Variants in DPYD observed in about 807,000 individuals in gnomAD.
DPYD encodes the protein dihydropyrimidine dehydrogenase [NADP(+)].
A neutral mutation model predicts 116.2 loss-of-function variants in DPYD; 109 were observed. The observed-to-expected ratio is 0.94, with a 90% CI of 0.80 to 1.10. The LOEUF is 1.10. DPYD is among the 50% of genes least tolerant of loss of function. The pLI is 0.00. For synonymous variants in DPYD, 440 were observed against 432.0 expected (o/e 1.02, Z -0.23); for missense variants, 1,302 against 1,254.5 (o/e 1.04, Z -0.57).
chr1:97,309,612 A>G (rs1037791444), intron 16 of DPYD, among the ~76,000 whole-genome samples: 2 of 151,698 alleles, frequency 1.3e-5, no homozygotes, highest in African/African-American at 4.8e-5. Flanking sequence ...AAAGCAAGCT[A>G]GAGGCAAATT....
At chr1:97,765,855 T>C (rs1665821833) in intron 3 of DPYD, among the ~76,000 whole-genome samples, 1 of 152,138 alleles carries the variant, frequency 6.6e-6, no homozygotes, top group Admixed American at 6.6e-5. Context: ...ATGCAAAAGC[T>C]AAAAAGACGA....
chr1:97,341,434 T>C (rs1416629261), intron 16 of DPYD, among the ~76,000 whole-genome samples: 2 of 152,218 alleles, frequency 1.3e-5, no homozygotes, highest in Admixed American at 1.3e-4. Context: ...TCTCCTAAAG[T>C]AATATAATTT....
chr1:97,519,825 C>A (rs1469575739), intron 12 of DPYD, among the ~76,000 whole-genome samples: 1 of 152,064 alleles, frequency 6.6e-6, no homozygotes, highest in Non-Finnish European at 1.5e-5. Context: ...TTTGTGCCTC[C>A]CTACCTCTGC....
intron 3 of DPYD, among the ~76,000 whole-genome samples, chr1:97,794,774 C>T (rs1317875840): frequency 1.3e-5 from 2 of 152,146 alleles, no homozygotes; most frequent in Non-Finnish European, 2.9e-5. Flanking sequence ...GGAAGCCATG[C>T]TTCACTTATT....
At chr1:97,284,109 G>A (rs1042192414) in intron 18 of DPYD, among the ~76,000 whole-genome samples, 10 of 152,070 alleles carry the variant, frequency 6.6e-5, no homozygotes, top group African/African-American at 2.4e-4. Flanking sequence ...TATGAACAGA[G>A]CATCTCTATT....
intron 11 of DPYD, among the ~76,000 whole-genome samples, chr1:97,565,492 C>T (rs1427876917): frequency 6.6e-6 from 1 of 152,160 alleles, no homozygotes; most frequent in Non-Finnish European, 1.5e-5. Context: ...TCCCTACCTG[C>T]TCCCTACCCT....
intron 19 of DPYD, among the ~76,000 whole-genome samples, chr1:97,218,960 TA>T (rs1160489479): frequency 1.3e-5 from 2 of 152,136 alleles, no homozygotes; most frequent in Non-Finnish European, 2.9e-5. Flanking sequence ...CAAAGGTGCC[TA>T]AAAAATTAAA....
chr1:97,599,943 G>C (rs1013864388), intron 8 of DPYD, among the ~76,000 whole-genome samples: 15 of 150,500 alleles, frequency 1.0e-4, no homozygotes, highest in Non-Finnish European at 2.2e-4. Flanking sequence ...CTATTCCAGA[G>C]GCTGAGGCAC....
chr1:97,486,656 C>A (rs1471970992), intron 13 of DPYD, among the ~76,000 whole-genome samples: 1 of 152,040 alleles, frequency 6.6e-6, no homozygotes, highest in Non-Finnish European at 1.5e-5. Flanking sequence ...TTAGTGCTAT[C>A]CAAATCAAAT....
At chr1:97,248,409 C>T (rs1662865331) in intron 18 of DPYD, among the ~76,000 whole-genome samples, 1 of 152,162 alleles carries the variant, frequency 6.6e-6, no homozygotes. Flanking sequence ...GTGATTGCTC[C>T]TCCTTGCCTT....
chr1:97,583,314 TTC>T (rs1653830005), intron 10 of DPYD, among the ~76,000 whole-genome samples: 1 of 152,152 alleles, frequency 6.6e-6, no homozygotes, highest in Non-Finnish European at 1.5e-5. Context: ...TGATGACATT[TTC>T]TTTTTTTATT....
chr1:97,132,428 A>G (rs1439609712), intron 20 of DPYD, among the ~76,000 whole-genome samples: 10 of 152,176 alleles, frequency 6.6e-5, no homozygotes, highest in Admixed American at 6.6e-4. Flanking sequence ...GAAATGAATC[A>G]GATGGAGGAA....
chr1:97,822,453 T>C (rs2101454177), intron 3 of DPYD, among the ~76,000 whole-genome samples: 1 of 149,952 alleles, frequency 6.7e-6, no homozygotes, highest in East Asian at 1.9e-4. Flanking sequence ...TACATATAAT[T>C]GCCTTGTCTA....
intron 4 of DPYD, among the ~76,000 whole-genome samples, chr1:97,727,500 T>G (rs61033129): frequency 6.6e-6 from 1 of 151,652 alleles, no homozygotes; most frequent in Non-Finnish European, 1.5e-5. Flanking sequence ...AAATATTGAA[T>G]AGATGATGTG....
chr1:97,431,175 T>C (rs61788023), intron 14 of DPYD, among the ~76,000 whole-genome samples: 24,290 of 152,124 alleles, frequency 0.16, 2,140 homozygotes, highest in South Asian at 0.29. Flanking sequence ...AAAAATGTTT[T>C]GTGAGAAAAC....
rs911956819 is a variant in DPYD at position 97,699,468 on chromosome 1, G to A, written c.563C>T (p.Ala188Val). ...PPEKMSEAYS[A>V]KIALFGAGPA... ...CCCAGCACCAAAAAGAGCAATCTTT[G>A]CAGAATAGGCTTCAGACATTTTTTC... The change falls in exon 6 of 23, where the codon GCA (alanine) becomes GTA (valine). Residue 188 changes from alanine (A) to valine (V), a missense_variant. Ala to Val is a moderately conservative substitution (Grantham distance 64). Coordinates refer to ENST00000370192, the MANE Select transcript of DPYD (RefSeq NM_000110.4). 1.9e-6 allele frequency: 3 copies of A among 1,613,644 alleles called. No homozygotes were observed. Among genetic ancestry groups the A allele is most frequent in the Non-Finnish European group, 8.5e-7 (1 of 1,179,684 alleles).
chr1:97,169,019 G>GT (rs1656527540), intron 20 of DPYD, among the ~76,000 whole-genome samples: 1 of 151,760 alleles, frequency 6.6e-6, no homozygotes, highest in Admixed American at 6.6e-5. Context: ...GTTAATTTTT[G>GT]TATTTTTTTG....
intron 13 of DPYD, among the ~76,000 whole-genome samples, chr1:97,489,908 C>T (rs1196790122): frequency 6.6e-6 from 1 of 152,068 alleles, no homozygotes; most frequent in Non-Finnish European, 1.5e-5. Flanking sequence ...TAGAAATAGC[C>T]TTTAACATTA....
chr1:97,164,126 G>A (rs1656128683), intron 20 of DPYD, among the ~76,000 whole-genome samples: 1 of 152,072 alleles, frequency 6.6e-6, no homozygotes, highest in South Asian at 2.1e-4. Context: ...TTCAACATAT[G>A]TAAATCAATA....
Sources: gnomAD v4.1 joint callset for allele counts (sites outside exome capture counted in the v4.1 genomes callset) on GRCh38, gnomAD v4.1.1 for gene constraint, MANE v1.5 for transcripts, NCBI Gene and HGNC (gene_info 2026-07-23, HGNC 2026-07-21) for gene names.